PDE4B: variants seen among roughly 807,000 people sequenced by gnomAD.
The protein encoded by PDE4B is 3',5'-cyclic-AMP phosphodiesterase 4B.
A neutral mutation model predicts 82.2 loss-of-function variants in PDE4B; 20 were observed. That is an observed-to-expected ratio of 0.24 (90% CI 0.17 to 0.35). PDE4B has a LOEUF of 0.35. Among genes scored for constraint, PDE4B ranks in the 10% least tolerant of loss-of-function variants. PDE4B has a pLI of 1.00. For missense variants in PDE4B, 655 were observed against 907.2 expected (o/e 0.72, Z 3.57); for synonymous variants, 320 against 318.9 (o/e 1.00, Z -0.04).
intron 1 of PDE4B, among the ~76,000 whole-genome samples, chr1:65,881,173 G>A (rs1037782043): frequency 3.9e-5 from 6 of 152,072 alleles, no homozygotes; most frequent in Admixed American, 1.3e-4. Flanking sequence ...TGCATTCTTT[G>A]TTTCTCTTCT....
At chr1:66,242,872 C>A (rs1462900438) in intron 3 of PDE4B, among the ~76,000 whole-genome samples, 1 of 152,222 alleles carries the variant, frequency 6.6e-6, no homozygotes, top group East Asian at 1.9e-4. Flanking sequence ...CTGCTGCCAT[C>A]TGCTGGCTCA....
chr1:65,824,416 T>A (rs182933559), intron 1 of PDE4B, among the ~76,000 whole-genome samples: 505 of 152,100 alleles, frequency 3.3e-3, no homozygotes, highest in African/African-American at 9.3e-3. Context: ...AAGAAAATAG[T>A]TTAAATATTT....
At chr1:65,992,714 C>T in intron 3 of PDE4B, 2 of 1,342,364 alleles carry the variant, frequency 1.5e-6, no homozygotes, top group Non-Finnish European at 1.9e-6. Context: ...GATAAAGCTC[C>T]TTGTGACAGC....
chr1:66,060,581 A>G (rs12049033), intron 3 of PDE4B, among the ~76,000 whole-genome samples: 10,181 of 152,260 alleles, frequency 0.067, 617 homozygotes, highest in East Asian at 0.26. Flanking sequence ...CTTTGTATTG[A>G]TTACATGCTG....
At chr1:66,328,707 T>C (rs113107686) in intron 7 of PDE4B, among the ~76,000 whole-genome samples, 3 of 152,318 alleles carry the variant, frequency 2.0e-5, no homozygotes, top group African/African-American at 7.2e-5. Context: ...TCCAGCTTCC[T>C]TTTTCCCACC....
intron 7 of PDE4B, among the ~76,000 whole-genome samples, chr1:66,323,999 G>T (rs1457369540): frequency 1.3e-5 from 2 of 152,130 alleles, no homozygotes; most frequent in East Asian, 3.8e-4. Flanking sequence ...CCTTCACATT[G>T]GTGGTACATG....
Position 66,367,866 on chromosome 1 carries a change from C to T in PDE4B, c.1539+16C>T. Reference sequence around the variant, plus strand: ...TATTGACATGGTAAGACTTTAGCCTCTCTACATTCCTCACTTACTGCCATT... The same window carrying T: ...TATTGACATGGTAAGACTTTAGCCTTTCTACATTCCTCACTTACTGCCATT... On this transcript the variant is annotated intron_variant, in intron 14 of 16. Transcript: ENST00000341517. 6.2e-7 allele frequency: 1 copy of T among 1,612,514 alleles called. No individual in the cohort carries two copies. The highest frequency in any genetic ancestry group is 1.1e-5 in the South Asian group (1 of 90,938).
chr1:66,134,068 G>A (rs551805424), intron 3 of PDE4B, among the ~76,000 whole-genome samples: 2 of 151,596 alleles, frequency 1.3e-5, no homozygotes, highest in Non-Finnish European at 2.9e-5. Context: ...GACTTCTAAG[G>A]CTGCCCTTAA....
chr1:66,207,007 C>T (rs867830021), intron 3 of PDE4B, among the ~76,000 whole-genome samples: 1 of 152,176 alleles, frequency 6.6e-6, no homozygotes, highest in African/African-American at 2.4e-5. Flanking sequence ...GCTGAGTCCA[C>T]TTGGTGAAAG....
At chr1:66,101,771 A>G (rs1306779226) in intron 3 of PDE4B, among the ~76,000 whole-genome samples, 2 of 151,980 alleles carry the variant, frequency 1.3e-5, no homozygotes, top group Non-Finnish European at 2.9e-5. Context: ...ATTTTCTCCC[A>G]TTCTGTAGGT....
intron 3 of PDE4B, among the ~76,000 whole-genome samples, chr1:66,215,842 C>T (rs953808707): frequency 1.3e-5 from 2 of 152,146 alleles, no homozygotes; most frequent in African/African-American, 4.8e-5. Context: ...CATCCCCAGA[C>T]TCTGTCCCCA....
At chr1:65,941,177 G>T (rs1469161131) in intron 3 of PDE4B, among the ~76,000 whole-genome samples, 2 of 151,964 alleles carry the variant, frequency 1.3e-5, no homozygotes, top group African/African-American at 2.4e-5. Flanking sequence ...GAAGCCTCAG[G>T]TTCTGTCACA....
At chr1:65,803,323 T>C (rs989147008) in intron 1 of PDE4B, among the ~76,000 whole-genome samples, 3 of 152,156 alleles carry the variant, frequency 2.0e-5, no homozygotes, top group African/African-American at 7.2e-5. Context: ...AAATAATGGA[T>C]GTGAAGTGCA....
intron 3 of PDE4B, among the ~76,000 whole-genome samples, chr1:66,155,320 G>A (rs982523263): frequency 2.6e-5 from 4 of 150,972 alleles, no homozygotes; most frequent in East Asian, 1.9e-4. Context: ...CTCTTTCCTC[G>A]TGTCTTCTGC....
chr1:66,145,776 C>T (rs1354306300), intron 3 of PDE4B, among the ~76,000 whole-genome samples: 2 of 152,178 alleles, frequency 1.3e-5, no homozygotes, highest in African/African-American at 2.4e-5. Flanking sequence ...GGTGCCTTTC[C>T]AGCCAGTTCA....
At chr1:66,182,549 T>C (rs1465773531) in intron 3 of PDE4B, among the ~76,000 whole-genome samples, 11 of 152,168 alleles carry the variant, frequency 7.2e-5, no homozygotes, top group Admixed American at 6.5e-4. Context: ...ATTGCAGCTT[T>C]TACTGCTTTG....
At chr1:65,977,806 G>A (rs1175734370) in intron 3 of PDE4B, among the ~76,000 whole-genome samples, 1 of 152,132 alleles carries the variant, frequency 6.6e-6, no homozygotes, top group Non-Finnish European at 1.5e-5. Context: ...CTTTGAGTTT[G>A]GAGAAGTGCA....
At chr1:66,273,706 A>C (rs1655673260) in intron 7 of PDE4B, among the ~76,000 whole-genome samples, 1 of 152,266 alleles carries the variant, frequency 6.6e-6, no homozygotes, top group Admixed American at 6.5e-5. Context: ...TCAATTTATA[A>C]CATAAAGCCC....
At chr1:65,953,886 A>G (rs963003318) in intron 3 of PDE4B, among the ~76,000 whole-genome samples, 2 of 151,994 alleles carry the variant, frequency 1.3e-5, no homozygotes, top group African/African-American at 4.8e-5. Context: ...AATAAAATAA[A>G]GATACAATTT....
Sources: gnomAD v4.1 joint callset for allele counts (sites outside exome capture counted in the v4.1 genomes callset) on GRCh38, gnomAD v4.1.1 for gene constraint, MANE v1.5 for transcripts, NCBI Gene and HGNC (gene_info 2026-07-23, HGNC 2026-07-21) for gene names.